The following USH2A variants were observed in gnomAD, a reference collection of about 807,000 sequenced individuals.
USH2A encodes the protein Usher syndrome 2A (autosomal recessive, mild).
A neutral mutation model predicts 538.9 loss-of-function variants in USH2A; 443 were observed. The ratio of observed to expected loss-of-function variants is 0.82; its 90% CI spans 0.76 to 0.89. The LOEUF (loss-of-function observed/expected upper bound fraction) is 0.89. Ranked by LOEUF, USH2A falls within the 40% of genes least tolerant of loss-of-function variation. The pLI, the probability that USH2A is intolerant of heterozygous loss-of-function variation, is 0.00. For missense variants in USH2A, 6,633 were observed against 6,324.8 expected (o/e 1.05, Z -1.65); for synonymous variants, 2,413 against 2,273.5 (o/e 1.06, Z -1.75).
intron 32 of USH2A, among the ~76,000 whole-genome samples, chr1:216,022,269 C>T (rs1199983690): frequency 6.6e-6 from 1 of 152,116 alleles, no homozygotes; most frequent in Non-Finnish European, 1.5e-5. Flanking sequence ...CAGCAGCATA[C>T]TGCCATTAGA....
chr1:216,093,776 A>T (rs1328775160), intron 22 of USH2A, among the ~76,000 whole-genome samples: 3 of 152,194 alleles, frequency 2.0e-5, no homozygotes, highest in African/African-American at 7.2e-5. Context: ...AATTCCAATG[A>T]GTGTCATTCT....
intron 16 of USH2A, chr1:216,204,026 G>C (rs373421480): frequency 4.3e-5 from 7 of 163,556 alleles, no homozygotes; most frequent in African/African-American, 1.4e-4. Context: ...TTGTCTTCCT[G>C]CAGGAAAAAG....
intron 16 of USH2A, among the ~76,000 whole-genome samples, chr1:216,207,072 A>G (rs1284953042): frequency 6.6e-6 from 1 of 152,044 alleles, no homozygotes; most frequent in Non-Finnish European, 1.5e-5. Context: ...TGTGATAAGC[A>G]TTAGTATTTA....
At chr1:216,094,955 G>GGGGT (rs2032404024) in intron 22 of USH2A, among the ~76,000 whole-genome samples, 1 of 147,764 alleles carries the variant, frequency 6.8e-6, no homozygotes, top group African/African-American at 2.5e-5. Flanking sequence ...TGCGTGTGTA[G>GGGGT]GTGTGTGTGT....
At chr1:216,109,913 T>C (rs556172869) in intron 21 of USH2A, among the ~76,000 whole-genome samples, 22 of 152,326 alleles carry the variant, frequency 1.4e-4, no homozygotes, top group South Asian at 4.1e-4. Flanking sequence ...ATTTGTTCAA[T>C]TGTCTAATCA....
Position 215,675,634 on chromosome 1 carries a change from C to A in USH2A, c.12295-18G>T, listed in dbSNP as rs374411391. 2 of 1,614,064 alleles carry A rather than the reference C, an allele frequency of 1.2e-6. No individual in the cohort carries two copies. The highest frequency in any genetic ancestry group is 2.2e-5 in the East Asian group (1 of 44,866). On this transcript the variant is annotated intron_variant, in intron 62 of 71. Coordinates refer to ENST00000307340, the MANE Select transcript of USH2A (RefSeq NM_206933.4). The stretch of plus-strand genomic sequence containing the variant: ...TTGTATGTCTACAGAAGGACAGAAG[C>A]AAAAGGGATAACTTGCAGCATACAA...
intron 22 of USH2A, among the ~76,000 whole-genome samples, chr1:216,094,598 A>G (rs2032393293): frequency 6.6e-6 from 1 of 152,110 alleles, no homozygotes; most frequent in Non-Finnish European, 1.5e-5. Context: ...TTTATTATTC[A>G]CTGATGCTTC....
intron 3 of USH2A, among the ~76,000 whole-genome samples, chr1:216,373,149 T>A (rs990996775): frequency 6.6e-6 from 1 of 152,206 alleles, no homozygotes; most frequent in Admixed American, 6.5e-5. Context: ...ATGCTAAGTG[T>A]GATGCTACAT....
chr1:216,118,306 T>A (rs2033055723), intron 21 of USH2A, among the ~76,000 whole-genome samples: 1 of 152,160 alleles, frequency 6.6e-6, no homozygotes, highest in Non-Finnish European at 1.5e-5. Context: ...AAGAGCTATA[T>A]ATTTTAGCAC....
At chr1:216,323,838 T>C in intron 7 of USH2A, 143 bp from the exon 8 acceptor site, 2 of 796,194 alleles carry the variant, frequency 2.5e-6, no homozygotes, top group Non-Finnish European at 4.1e-6. Flanking sequence ...ATATATTTCA[T>C]ATATAAACAA....
chr1:216,290,039 A>G (rs994143635), intron 10 of USH2A, among the ~76,000 whole-genome samples: 1 of 152,134 alleles, frequency 6.6e-6, no homozygotes, highest in Admixed American at 6.6e-5. Context: ...GGTAATTCCC[A>G]TAGTTTATAA....
At chr1:216,303,836 G>A (rs987513130) in intron 9 of USH2A, among the ~76,000 whole-genome samples, 2 of 151,854 alleles carry the variant, frequency 1.3e-5, no homozygotes, top group African/African-American at 2.4e-5. Flanking sequence ...CTAGCATAAT[G>A]CACTACACAT....
intron 21 of USH2A, among the ~76,000 whole-genome samples, chr1:216,141,591 A>G (rs2033605318): frequency 6.6e-6 from 1 of 152,190 alleles, no homozygotes; most frequent in South Asian, 2.1e-4. Context: ...TTTTGGCATC[A>G]GCTACCTTGC....
In USH2A at chr1:216,198,602, T is replaced by C. The variant is rs745865218; in HGVS notation, c.3812-18A>G. 6.2e-7 allele frequency: 1 copy of C among 1,607,110 alleles called. No individual in the cohort carries two copies. Among genetic ancestry groups the C allele is most frequent in the Middle Eastern group, 1.7e-4 (1 of 5,882 alleles). On this transcript the variant is annotated intron_variant, in intron 17 of 71. Transcript: ENST00000307340. ...AATTATTCCTAGAGAAATTAAATAG[T>C]GAACCTACGTAACTCATCAGACAAA... is the stretch of plus-strand genomic sequence containing the variant.
chr1:216,270,718 T>C (rs979927527), intron 11 of USH2A, among the ~76,000 whole-genome samples: 1 of 152,076 alleles, frequency 6.6e-6, no homozygotes, highest in South Asian at 2.1e-4. Flanking sequence ...CAATTTTTTT[T>C]TTTTTTTAAG....
rs756960523 is a variant in USH2A, at chr1:216,084,678, T to A, written c.5167+20A>T. ...AACATAGATTTTAAGTGAACACTCA[T>A]GTCTTTTTTAGAGCATTACCTGCTC... On this transcript the variant is annotated intron_variant, in intron 25 of 71. Transcript: ENST00000307340. 4.3e-6 allele frequency: 7 copies of A among 1,611,582 alleles called. No individual in the cohort carries two copies. The South Asian group carries it at 7.7e-5, about 18-fold the overall frequency.
At chr1:216,003,149 G>A (rs558967985) in intron 32 of USH2A, among the ~76,000 whole-genome samples, 18 of 152,228 alleles carry the variant, frequency 1.2e-4, no homozygotes, top group Admixed American at 8.5e-4. Context: ...TGGGAAGTGA[G>A]TATACTTAGA....
chr1:215,705,750 G>A (rs567609660), intron 61 of USH2A, among the ~76,000 whole-genome samples: 1 of 152,264 alleles, frequency 6.6e-6, no homozygotes, highest in Non-Finnish European at 1.5e-5. Context: ...CACCCTGACT[G>A]CAGTCGACCA....
At chr1:216,383,253 A>G (rs1265271098) in intron 3 of USH2A, among the ~76,000 whole-genome samples, 1 of 152,190 alleles carries the variant, frequency 6.6e-6, no homozygotes, top group Non-Finnish European at 1.5e-5. Context: ...GTTCATGGGT[A>G]CAGGCATTAG....
Sources: allele counts gnomAD v4.1 joint callset (sites outside exome capture counted in the v4.1 genomes callset), GRCh38; gene constraint gnomAD v4.1.1; transcripts MANE v1.5; gene names NCBI Gene and HGNC (gene_info 2026-07-23, HGNC 2026-07-21).